The following FAM219A variants were observed in gnomAD, a reference collection of about 807,000 sequenced individuals.
The protein encoded by FAM219A is family with sequence similarity 219 member A, also known as protein FAM219A.
A neutral mutation model predicts 23.4 loss-of-function variants in FAM219A; 7 were observed. That is an observed-to-expected ratio of 0.30 (90% CI 0.17 to 0.56). The LOEUF (loss-of-function observed/expected upper bound fraction) is 0.56. FAM219A is among the 20% of genes least tolerant of loss of function. The pLI, the probability that FAM219A is intolerant of heterozygous loss-of-function variation, is 0.92. For missense variants in FAM219A, 166 were observed against 246.9 expected, an observed-to-expected ratio of 0.67 and a Z score of 2.20; for synonymous variants, 93 against 99.0, an observed-to-expected ratio of 0.94 and a Z score of 0.36.
At chr9:34,436,324 GCCTTGACCT>G (rs1169078828) in intron 1 of FAM219A, among the ~76,000 whole-genome samples, 1 of 151,824 alleles carries the variant, frequency 6.6e-6, no homozygotes, top group African/African-American at 2.4e-5. Context: ...GCTCACTGCA[GCCTTGACCT>G]CCTGGGTTCA....
At position 34,457,191 on chromosome 9, in the gene FAM219A, G is replaced by A. The variant is rs1350506647; in HGVS notation, c.60+1013C>T. The stretch of plus-strand genomic sequence containing the variant: ...AGCTCAGGCTCCAGGGGGATAAAGC[G>A]AACACAGCCTAGACATTCCCTCTCT... On this transcript the variant is annotated intron_variant, in intron 1 of 5. Transcript: ENST00000651358. This position sits in a 1 kb window ranked among gnomAD's most constrained non-coding sequence, Gnocchi z 5.1. Among the ~76,000 whole-genome samples the A allele has an allele frequency of 6.6e-6, 1 of 152,180 alleles. No homozygotes were observed.
At chr9:34,408,072 A>G (rs1226506470) in intron 1 of FAM219A, among the ~76,000 whole-genome samples, 1 of 152,194 alleles carries the variant, frequency 6.6e-6, no homozygotes, top group Non-Finnish European at 1.5e-5. Context: ...CAAGTTCCTG[A>G]GGGCAAAACC....
At chr9:34,408,362 G>A (rs893719993) in intron 1 of FAM219A, among the ~76,000 whole-genome samples, 2 of 151,690 alleles carry the variant, frequency 1.3e-5, no homozygotes, top group Non-Finnish European at 3.0e-5. Flanking sequence ...CAAGGGAGGT[G>A]GAGATGGGAC....
At chr9:34,427,320 C>T (rs1004586225) in intron 1 of FAM219A, among the ~76,000 whole-genome samples, 7 of 152,006 alleles carry the variant, frequency 4.6e-5, no homozygotes, top group Admixed American at 2.6e-4. Flanking sequence ...TACAGGTGCA[C>T]GCCACCACAC....
intron 1 of FAM219A, among the ~76,000 whole-genome samples, chr9:34,412,938 T>A (rs1305027503): frequency 6.6e-6 from 1 of 151,962 alleles, no homozygotes; most frequent in Non-Finnish European, 1.5e-5. Context: ...AGAGCAAGAC[T>A]GAGAAGGGAA....
At chr9:34,443,769 A>C (rs1214755153) in intron 1 of FAM219A, among the ~76,000 whole-genome samples, 3 of 148,774 alleles carry the variant, frequency 2.0e-5, no homozygotes, top group Non-Finnish European at 3.0e-5. Flanking sequence ...TAATTTCCCC[A>C]CCCCCTCAAG....
intron 1 of FAM219A, among the ~76,000 whole-genome samples, chr9:34,434,982 GCTAA>G (rs1288855905): frequency 6.6e-6 from 1 of 152,126 alleles, no homozygotes; most frequent in African/African-American, 2.4e-5. Flanking sequence ...ACCACATCTG[GCTAA>G]CTTTTTGTAT....
chr9:34,419,534 A>T (rs530352342), intron 1 of FAM219A, among the ~76,000 whole-genome samples: 199 of 152,292 alleles, frequency 1.3e-3, no homozygotes, highest in African/African-American at 4.5e-3. Context: ...ATAGACACTG[A>T]GGAGAATACT....
At chr9:34,442,684 CA>C (rs113574730) in intron 1 of FAM219A, among the ~76,000 whole-genome samples, 65,029 of 128,010 alleles carry the variant, frequency 0.51, 15,381 homozygotes, top group African/African-American at 0.66. Flanking sequence ...GACTCCGTCT[CA>C]AAAAAAAAAA....
intron 1 of FAM219A, among the ~76,000 whole-genome samples, chr9:34,439,139 C>T (rs1371806338): frequency 6.6e-6 from 1 of 152,230 alleles, no homozygotes; most frequent in Non-Finnish European, 1.5e-5. Flanking sequence ...ACTCCGAACA[C>T]ATCTGAACGT....
chr9:34,398,480 T>A lies in FAM219A; in HGVS notation c.*2484A>T. 1 of 1,129,548 alleles carries A rather than the reference T, an allele frequency of 8.9e-7. No homozygotes were observed. Among genetic ancestry groups the A allele is most frequent in the South Asian group, 1.4e-5 (1 of 70,224 alleles). 70.0% of individuals were successfully genotyped at this position (1,129,548 alleles called of 1,614,324 possible). On this transcript the variant is annotated 3_prime_UTR_variant, in exon 6 of 6. Transcript: ENST00000651358. ...ACAGGGAAGGAGGGAGCCACACCCCTCCCTAGACACAGAAGCTGCCACTGC... is the reference window on the plus strand; with the variant it reads ...ACAGGGAAGGAGGGAGCCACACCCCACCCTAGACACAGAAGCTGCCACTGC...
At position 34,458,163 on chromosome 9, in the gene FAM219A, G is replaced by T. The variant is rs371938238; in HGVS notation, c.60+41C>A. 20 of 1,511,152 alleles carry T rather than the reference G, an allele frequency of 1.3e-5. No individual in the cohort carries two copies. In the African/African-American group the frequency reaches 1.6e-4, roughly 12 times the overall value. 93.6% of individuals were successfully genotyped at this position (1,511,152 alleles called of 1,614,324 possible). A position where few individuals can be genotyped will look rare whatever the true frequency, so the allele number is the denominator to read the frequency against. On this transcript the variant is annotated intron_variant, in intron 1 of 5. Transcript: ENST00000651358. The surrounding 1 kb of genome is among the most constrained non-coding windows in gnomAD (Gnocchi z 6.6). ...ATTCCCTCCCTCCCCCTCAAGCGACGCCCCCTCCGGCCTTGGCCTGCCCGC... is the reference window on the plus strand; with the variant it reads ...ATTCCCTCCCTCCCCCTCAAGCGACTCCCCCTCCGGCCTTGGCCTGCCCGC...
At chr9:34,406,244 A>G in intron 1 of FAM219A, 12 of 966,692 alleles carry the variant, frequency 1.2e-5, no homozygotes, top group Non-Finnish European at 1.5e-5. Flanking sequence ...AAAGCCCATC[A>G]TGATTTCTTT....
intron 1 of FAM219A, among the ~76,000 whole-genome samples, chr9:34,416,464 G>T (rs764151186): frequency 6.6e-6 from 1 of 152,106 alleles, no homozygotes; most frequent in East Asian, 1.9e-4. Context: ...AACATTTAAA[G>T]AACATAGTAT....
At position 34,402,401 on chromosome 9, in the gene FAM219A, G is replaced by C. The variant is rs1174645036; in HGVS notation, c.330C>G (p.Ala110=). Residue 110 remains alanine, a synonymous_variant, in exon 4 of 6, where the codon GCC becomes GCG. Coordinates refer to ENST00000651358, the MANE Select transcript of FAM219A (RefSeq NM_001184940.2). ...CCCATACACACCTGTCCGTGTCAAG[G>C]GCTACCAGTGGCTTCTCATCAGGGC... ...DQSPDEKPLV[A]LDTDSDDDFD... 1 of 1,614,080 alleles carries C rather than the reference G, an allele frequency of 6.2e-7. No homozygotes were observed. The highest frequency in any genetic ancestry group is 8.5e-7 in the Non-Finnish European group (1 of 1,180,040).
chr9:34,417,000 C>T (rs1010484935), intron 1 of FAM219A, among the ~76,000 whole-genome samples: 1 of 151,444 alleles, frequency 6.6e-6, no homozygotes, highest in African/African-American at 2.4e-5. Flanking sequence ...GCTTTATCTT[C>T]TCCTTCTTCC....
chr9:34,438,305 G>A (rs1823005649), intron 1 of FAM219A, among the ~76,000 whole-genome samples: 3 of 152,298 alleles, frequency 2.0e-5, no homozygotes, highest in South Asian at 4.1e-4. Flanking sequence ...CAGTCCCATC[G>A]ACCACACAAG....
intron 1 of FAM219A, among the ~76,000 whole-genome samples, chr9:34,455,798 A>G (rs933867842): frequency 1.3e-5 from 2 of 152,190 alleles, no homozygotes; most frequent in African/African-American, 4.8e-5. Flanking sequence ...CCTCTGGAAT[A>G]CAACCTGGGG....
At chr9:34,431,066 C>G (rs1444371288) in intron 1 of FAM219A, among the ~76,000 whole-genome samples, 1 of 152,186 alleles carries the variant, frequency 6.6e-6, no homozygotes, top group Non-Finnish European at 1.5e-5. Context: ...CAACTGCTTG[C>G]TTGGACCCAT....
Sources: gnomAD v4.1 joint callset for allele counts (sites outside exome capture counted in the v4.1 genomes callset) on GRCh38, gnomAD v4.1.1 for gene constraint, Gnocchi (gnomAD v3.1) non-coding constraint, MANE v1.5 for transcripts, NCBI Gene and HGNC (gene_info 2026-07-23, HGNC 2026-07-21) for gene names.